ADAMTSL1: variants seen among roughly 807,000 people sequenced by gnomAD.
ADAMTSL1 encodes ADAMTS-like protein 1.
Under a neutral mutation model 201.8 loss-of-function variants are expected in ADAMTSL1, and 126 were observed. The ratio of observed to expected loss-of-function variants is 0.62; its 90% CI spans 0.54 to 0.72. ADAMTSL1 has a LOEUF of 0.72. Ranked by LOEUF, ADAMTSL1 falls within the 30% of genes least tolerant of loss-of-function variation. The probability of loss-of-function intolerance (pLI) is 0.00; values close to 1 mark genes in which losing one functional copy is unlikely to be tolerated. For missense variants in ADAMTSL1, 2,679 were observed against 2,277.8 expected, an observed-to-expected ratio of 1.18 and a Z score of -3.59; for synonymous variants, 1,121 against 903.4, an observed-to-expected ratio of 1.24 and a Z score of -4.32.
In ADAMTSL1 at chr9:18,778,725, T is replaced by C. The variant is rs11791705; in HGVS notation, c.3677+819T>C. Among the ~76,000 whole-genome samples, 7 of 152,272 alleles carry C rather than the reference T, an allele frequency of 4.6e-5. No individual in the cohort carries two copies. In the East Asian group the frequency reaches 1.3e-3, roughly 29 times the overall value. On this transcript the variant is annotated intron_variant, in intron 19 of 28. Coordinates refer to ENST00000380548, the MANE Select transcript of ADAMTSL1 (RefSeq NM_001040272.6). ...TCTTTATGTGTTTTATCTCACTGAA[T>C]AGAAGTGGATACAATTTTTATCCAC...
chr9:18,476,872 T>C (rs1392278356), intron 1 of ADAMTSL1, among the ~76,000 whole-genome samples: 1 of 152,108 alleles, frequency 6.6e-6, no homozygotes, highest in Non-Finnish European at 1.5e-5. Context: ...GGTTCTTGAG[T>C]GTGTACAAAT....
At position 18,775,832 on chromosome 9, in the gene ADAMTSL1, C is replaced by T; in HGVS notation, c.2487C>T (p.Ser829=). The T allele has an allele frequency of 1.2e-6, 2 of 1,607,178 alleles. No individual in the cohort carries two copies. The highest frequency in any genetic ancestry group is 1.7e-6 in the Non-Finnish European group (2 of 1,176,592). The stretch of plus-strand genomic sequence containing the variant: ...CCGGCCTCTCAACGGTTGTCAATTC[C>T]ACCCTGTGCCCGCCCCTGCCTTTCT... ...LKTGLSTVVN[S]TLCPPLPFSS... Residue 829 remains serine (S), a synonymous_variant, in exon 18 of 29, where the codon TCC becomes TCT. Transcript: ENST00000380548.
chr9:18,753,937 A>G (rs987525782), intron 16 of ADAMTSL1, among the ~76,000 whole-genome samples: 1 of 152,194 alleles, frequency 6.6e-6, no homozygotes, highest in African/African-American at 2.4e-5. Context: ...ATCATTACTT[A>G]GCAATATAAG....
At chr9:18,587,364 C>T (rs543004459) in intron 4 of ADAMTSL1, among the ~76,000 whole-genome samples, 1 of 152,186 alleles carries the variant, frequency 6.6e-6, no homozygotes, top group South Asian at 2.1e-4. Flanking sequence ...AGCTCAATAT[C>T]ATTGATCATT....
At chr9:18,533,437 C>G (rs1369475417) in intron 3 of ADAMTSL1, 145 bp downstream of exon 3, 7 of 490,630 alleles carry the variant, frequency 1.4e-5, no homozygotes, top group African/African-American at 4.0e-5. Flanking sequence ...ATATGCAGGA[C>G]TAAAATGATA....
rs75914391 is a variant in ADAMTSL1, at chr9:18,629,235, C to CT, written c.602-6698dup. On this transcript the variant is annotated intron_variant, in intron 5 of 28. Coordinates refer to ENST00000380548, the MANE Select transcript of ADAMTSL1 (RefSeq NM_001040272.6). Reference sequence around the variant, plus strand: ...TTGCCTCTTTTCAATTTGTAAGCCACTTTTTTTTTTGTAGTCTTATTGTAC... The same window carrying CT: ...TTGCCTCTTTTCAATTTGTAAGCCACTTTTTTTTTTTGTAGTCTTATTGTAC... Among the ~76,000 whole-genome samples, 871 of 148,776 alleles carry CT rather than the reference C, an allele frequency of 5.9e-3. 8 individuals are homozygous for CT. Among genetic ancestry groups the CT allele is most frequent in the African/African-American group, 0.02 (793 of 40,654 alleles).
intron 1 of ADAMTSL1, among the ~76,000 whole-genome samples, chr9:18,040,973 A>G (rs1330506250): frequency 1.3e-5 from 2 of 152,174 alleles, no homozygotes; most frequent in Non-Finnish European, 2.9e-5. Context: ...TGAAAATTTC[A>G]ATTTCTCAAG....
intron 1 of ADAMTSL1, among the ~76,000 whole-genome samples, chr9:17,908,935 C>T (rs1463666806): frequency 6.6e-6 from 1 of 151,742 alleles, no homozygotes; most frequent in Non-Finnish European, 1.5e-5. Context: ...ACAGTCCCAC[C>T]AACAGTGTAA....
intron 2 of ADAMTSL1, among the ~76,000 whole-genome samples, chr9:18,420,270 C>G (rs1389900525): frequency 2.0e-5 from 3 of 152,146 alleles, no homozygotes; most frequent in Non-Finnish European, 1.5e-5. Context: ...AGAGGAGAGT[C>G]TGTTACAGTT....
chr9:18,735,761 T>C lies in ADAMTSL1; in HGVS notation c.2006+14096T>C, dbSNP rs1818468382. Among the ~76,000 whole-genome samples, 5 of 148,594 alleles carry C rather than the reference T, an allele frequency of 3.4e-5. No individual in the cohort carries two copies. The South Asian group carries it at 1.1e-3, about 32-fold the overall frequency. ...GCATTCTTTTTTCTTTTTTTTTTTT[T>C]TTTTTTTGAGACAAGGTCTTGCTCT... On this transcript the variant is annotated intron_variant, in intron 15 of 28. Coordinates refer to ENST00000380548, the MANE Select transcript of ADAMTSL1 (RefSeq NM_001040272.6).
At chr9:18,725,958 A>G (rs1437540739) in intron 15 of ADAMTSL1, among the ~76,000 whole-genome samples, 1 of 152,224 alleles carries the variant, frequency 6.6e-6, no homozygotes, top group Non-Finnish European at 1.5e-5. Flanking sequence ...CACCAAAATA[A>G]AAGAACCAGC....
intron 7 of ADAMTSL1, among the ~76,000 whole-genome samples, chr9:18,641,930 T>C (rs1564110784): frequency 6.6e-6 from 1 of 152,046 alleles, no homozygotes; most frequent in Non-Finnish European, 1.5e-5. Flanking sequence ...AATCAAATTC[T>C]CTTTATAGAT....
chr9:17,960,094 T>C (rs1817680343), intron 1 of ADAMTSL1, among the ~76,000 whole-genome samples: 1 of 152,170 alleles, frequency 6.6e-6, no homozygotes, highest in South Asian at 2.1e-4. Flanking sequence ...GATCCTTAGC[T>C]CCTTCTTTCC....
In ADAMTSL1 at chr9:18,273,686, C is replaced by T. The variant is rs193029762; in HGVS notation, c.207+109705C>T. On this transcript the variant is annotated intron_variant, in intron 2 of 29. Transcript: ENST00000680146. ...GGATGGCAATTTTATGTGTTGATCC[C>T]GCCTAAAAGCCAAATTCAGATTCAT... 3.3e-5 allele frequency among the ~76,000 whole-genome samples: 5 copies of T among 152,204 alleles called. No homozygotes were observed. In the East Asian group the frequency reaches 5.8e-4, roughly 18 times the overall value.
intron 1 of ADAMTSL1, among the ~76,000 whole-genome samples, chr9:17,973,338 T>C (rs1358172802): frequency 1.4e-4 from 16 of 116,634 alleles, no homozygotes; most frequent in African/African-American, 4.2e-4. Context: ...AATTAATTTT[T>C]GTATAAGGTG....
At chr9:18,410,178 C>A (rs974226361) in intron 2 of ADAMTSL1, among the ~76,000 whole-genome samples, 1 of 146,164 alleles carries the variant, frequency 6.8e-6, no homozygotes, top group African/African-American at 2.5e-5. Context: ...GTCCCTGAAT[C>A]TTTTTTTTTT....
chr9:18,427,876 C>T (rs1819296458), intron 2 of ADAMTSL1, among the ~76,000 whole-genome samples: 1 of 152,232 alleles, frequency 6.6e-6, no homozygotes, highest in Non-Finnish European at 1.5e-5. Flanking sequence ...ACTCATTTCC[C>T]ATGACTGTGT....
At chr9:18,863,195 A>G (rs1274641641) in intron 23 of ADAMTSL1, among the ~76,000 whole-genome samples, 1 of 152,208 alleles carries the variant, frequency 6.6e-6, no homozygotes, top group Non-Finnish European at 1.5e-5. Context: ...GAGAATAACC[A>G]AGTCCTAGGG....
At chr9:18,506,578 G>T (rs978771407) in intron 2 of ADAMTSL1, among the ~76,000 whole-genome samples, 1 of 130,156 alleles carries the variant, frequency 7.7e-6, no homozygotes, top group African/African-American at 2.9e-5. Flanking sequence ...ATCAAATATT[G>T]ATGCCATGCG....
Sources: gnomAD v4.1 joint callset for allele counts (sites outside exome capture counted in the v4.1 genomes callset) on GRCh38, gnomAD v4.1.1 for gene constraint, MANE v1.5 for transcripts, NCBI Gene and HGNC (gene_info 2026-07-23, HGNC 2026-07-21) for gene names.